BCKDHB: variants seen among roughly 807,000 people sequenced by gnomAD.
The protein encoded by BCKDHB is branched chain keto acid dehydrogenase E1 subunit beta.
In BCKDHB, 41 loss-of-function variants were observed where a neutral mutation model predicts 48.5. That is an observed-to-expected ratio of 0.85 (90% CI 0.66 to 1.10). BCKDHB has a LOEUF of 1.10. Ranked by LOEUF, BCKDHB falls within the 50% of genes least tolerant of loss-of-function variation. BCKDHB has a pLI of 0.00. For missense variants in BCKDHB, 496 were observed against 494.2 expected, an observed-to-expected ratio of 1.00 and a Z score of -0.03; for synonymous variants, 201 against 174.8, an observed-to-expected ratio of 1.15 and a Z score of -1.18.
intron 3 of BCKDHB, among the ~76,000 whole-genome samples, chr6:80,158,891 C>T (rs992101395): frequency 5.9e-5 from 9 of 152,288 alleles, no homozygotes; most frequent in Middle Eastern, 3.4e-3. Context: ...TAGTGTTCAC[C>T]CTAGGCAGTA....
chr6:80,306,907 A>T (rs985407466), intron 9 of BCKDHB, among the ~76,000 whole-genome samples: 1 of 152,162 alleles, frequency 6.6e-6, no homozygotes, highest in African/African-American at 2.4e-5. Context: ...AGTGACTGGT[A>T]CATGTAAAGA....
intron 3 of BCKDHB, among the ~76,000 whole-genome samples, chr6:80,161,095 T>G (rs1772291438): frequency 1.3e-5 from 2 of 152,280 alleles, no homozygotes; most frequent in South Asian, 4.1e-4. Context: ...AACCACTGAA[T>G]TAAACATTTG....
At chr6:80,438,609 A>T in the BCKDHB span, among the ~76,000 whole-genome samples, 1 of 152,226 alleles carries the variant, frequency 6.6e-6, no homozygotes, top group Non-Finnish European at 1.5e-5. Flanking sequence ...TTGATAGTAA[A>T]TGAGAAATAT....
At chr6:80,422,720 C>T in the BCKDHB span, among the ~76,000 whole-genome samples, 1 of 152,184 alleles carries the variant, frequency 6.6e-6, no homozygotes, top group Non-Finnish European at 1.5e-5. Flanking sequence ...AGGTTTTGAA[C>T]TTGCATAGGG....
At chr6:80,333,878 A>G (rs1403327191) in intron 9 of BCKDHB, among the ~76,000 whole-genome samples, 1 of 152,172 alleles carries the variant, frequency 6.6e-6, no homozygotes, top group Non-Finnish European at 1.5e-5. Context: ...ACCAGATTCC[A>G]GTCACTAACT....
chr6:80,459,146 T>C, the BCKDHB span, among the ~76,000 whole-genome samples: 10 of 152,248 alleles, frequency 6.6e-5, no homozygotes, highest in South Asian at 2.1e-3. Context: ...TCCAAAAGAA[T>C]TGAAATTAGT....
chr6:80,155,551 C>G (rs1015581001), intron 3 of BCKDHB, among the ~76,000 whole-genome samples: 1 of 152,104 alleles, frequency 6.6e-6, no homozygotes, highest in African/African-American at 2.4e-5. Flanking sequence ...TTTTCAATAG[C>G]ACTAGGATTT....
intron 3 of BCKDHB, among the ~76,000 whole-genome samples, chr6:80,161,252 G>A (rs1015044821): frequency 5.9e-5 from 9 of 152,000 alleles, no homozygotes; most frequent in African/African-American, 2.2e-4. Flanking sequence ...TCATTTGGAT[G>A]AATGACTTAA....
chr6:80,435,595 AT>A, the BCKDHB span, among the ~76,000 whole-genome samples: 1 of 152,138 alleles, frequency 6.6e-6, no homozygotes, highest in Non-Finnish European at 1.5e-5. Flanking sequence ...TTTTTTCAAG[AT>A]CTTGCAATGC....
At chr6:80,271,477 A>G (rs752843792) in intron 8 of BCKDHB, among the ~76,000 whole-genome samples, 24 of 152,146 alleles carry the variant, frequency 1.6e-4, no homozygotes, top group African/African-American at 5.8e-4. Context: ...TATAGGATAC[A>G]TAGGCCACCT....
chr6:80,159,480 G>A (rs951115762), intron 3 of BCKDHB, among the ~76,000 whole-genome samples: 1 of 152,014 alleles, frequency 6.6e-6, no homozygotes, highest in Non-Finnish European at 1.5e-5. Context: ...TTTTAAATTT[G>A]CGTGCATATT....
intron 8 of BCKDHB, among the ~76,000 whole-genome samples, chr6:80,224,005 T>G (rs2127868270): frequency 6.6e-6 from 1 of 152,314 alleles, no homozygotes; most frequent in Admixed American, 6.5e-5. Flanking sequence ...AGAGGCTTAT[T>G]TGGAAGAATG....
chr6:80,371,615 G>T, the BCKDHB span, among the ~76,000 whole-genome samples: 1 of 152,004 alleles, frequency 6.6e-6, no homozygotes, highest in Non-Finnish European at 1.5e-5. Flanking sequence ...TATGGTTTCA[G>T]GTCTTAGATT....
intron 9 of BCKDHB, among the ~76,000 whole-genome samples, chr6:80,299,412 G>A (rs1307676367): frequency 6.6e-6 from 1 of 152,102 alleles, no homozygotes; most frequent in Non-Finnish European, 1.5e-5. Flanking sequence ...TGGTTCGGGG[G>A]TTTCCTCAGT....
At chr6:80,108,592 T>G (rs1320443959) in intron 1 of BCKDHB, among the ~76,000 whole-genome samples, 1 of 149,106 alleles carries the variant, frequency 6.7e-6, no homozygotes, top group East Asian at 1.9e-4. Context: ...CCGGGCGCAG[T>G]GGCTCACGTC....
At position 80,293,455 on chromosome 6, in the gene BCKDHB, G is replaced by A. The variant is rs1767048114; in HGVS notation, c.1038+20234G>A. Among the ~76,000 whole-genome samples the A allele has an allele frequency of 2.0e-5, 3 of 152,112 alleles. No homozygotes were observed. In the South Asian group the frequency reaches 6.2e-4, roughly 32 times the overall value. On this transcript the variant is annotated intron_variant, in intron 9 of 9. Transcript: ENST00000320393. ...CACAGCTGGAGTGGCTAGAATGCAG[G>A]GCATCAAGTCCCTAGACTGCACACA...
chr6:80,397,641 G>A, the BCKDHB span, among the ~76,000 whole-genome samples: 2,578 of 152,276 alleles, frequency 0.017, 68 homozygotes, highest in African/African-American at 0.058. Context: ...CCAGCACTTT[G>A]GGAGGCCAAG....
At chr6:80,222,962 T>C (rs1366781916) in intron 8 of BCKDHB, among the ~76,000 whole-genome samples, 2 of 152,146 alleles carry the variant, frequency 1.3e-5, no homozygotes, top group African/African-American at 2.4e-5. Context: ...AAGCAACACA[T>C]TAGAAGATGG....
chr6:80,288,069 A>G (rs1357813552), intron 9 of BCKDHB, among the ~76,000 whole-genome samples: 2 of 151,834 alleles, frequency 1.3e-5, no homozygotes, highest in African/African-American at 2.4e-5. Flanking sequence ...GATAATATCA[A>G]TGATTCCTAA....
Sources: gnomAD v4.1 joint callset for allele counts (sites outside exome capture counted in the v4.1 genomes callset) on GRCh38, gnomAD v4.1.1 for gene constraint, MANE v1.5 for transcripts, NCBI Gene and HGNC (gene_info 2026-07-23, HGNC 2026-07-21) for gene names.